SLC6A3: variants seen among roughly 807,000 people sequenced by gnomAD.
The protein encoded by SLC6A3 is solute carrier family 6 member 3.
SLC6A3 carries 19 observed loss-of-function variants against 70.4 expected under a neutral mutation model. That is an observed-to-expected ratio of 0.27 (90% confidence interval 0.19 to 0.40). The LOEUF is 0.40. SLC6A3 is among the 10% of genes least tolerant of loss of function. The probability of loss-of-function intolerance (pLI) is 1.00; values close to 1 mark genes in which losing one functional copy is unlikely to be tolerated. For missense variants in SLC6A3, 613 were observed against 838.5 expected, an observed-to-expected ratio of 0.73 and a Z score of 3.32; for synonymous variants, 368 against 356.6, an observed-to-expected ratio of 1.03 and a Z score of -0.36.
In SLC6A3 at chr5:1,406,051, T is replaced by C; in HGVS notation, c.1599+137A>G. ...ATAGATGAGTTCAGGGATCAGCCTG[T>C]CCTTCTGGGCCGAGTCTTGAGGCCC... On this transcript the variant is annotated intron_variant, in intron 12 of 14. Transcript: ENST00000270349. The surrounding 1 kb of genome is among the most constrained non-coding windows in gnomAD (Gnocchi z 8.8). 1 of 722,832 alleles carries C rather than the reference T, an allele frequency of 1.4e-6. No individual in the cohort carries two copies. The highest frequency in any genetic ancestry group is 1.5e-5 in the South Asian group (1 of 68,124). 44.8% of individuals were successfully genotyped at this position (722,832 alleles called of 1,614,324 possible).
Position 1,396,968 on chromosome 5 carries a change from T to C in SLC6A3, c.1840-2210A>G, listed in dbSNP as rs1326221768. ...GGCAGGCAGTTTCCACAGTGCCTAG[T>C]TTTCCTGCTGTGGGCTCACAAGGGT... On this transcript the variant is annotated intron_variant, in intron 14 of 14. Transcript: ENST00000270349. This position sits in a 1 kb window ranked among gnomAD's most constrained non-coding sequence, Gnocchi z 7.0. Among the ~76,000 whole-genome samples, 1 of 152,144 alleles carries C rather than the reference T, an allele frequency of 6.6e-6. No homozygotes were observed. Among genetic ancestry groups the C allele is most frequent in the East Asian group, 1.9e-4 (1 of 5,194 alleles).
At chr5:1,434,350 C>A (rs2937644) in intron 3 of SLC6A3, among the ~76,000 whole-genome samples, 2 of 152,336 alleles carry the variant, frequency 1.3e-5, no homozygotes, top group East Asian at 3.9e-4. Context: ...CATCAAGGAC[C>A]AGCCAGGGCC....
intron 6 of SLC6A3, among the ~76,000 whole-genome samples, chr5:1,417,201 GAAC>G (rs1005315817): frequency 8.8e-5 from 13 of 148,256 alleles, no homozygotes; most frequent in African/African-American, 2.5e-4. Context: ...ATAACCCTCA[GAAC>G]ATCATGGATC....
intron 2 of SLC6A3, 125 bp from the exon 3 acceptor site, chr5:1,441,615 A>G (rs950343208): frequency 2.1e-5 from 23 of 1,120,154 alleles, no homozygotes; most frequent in Non-Finnish European, 2.9e-5. Context: ...CCCACTCTCC[A>G]ACGGGAAGTC....
chr5:1,433,004 G>A (rs1448349744), intron 3 of SLC6A3, among the ~76,000 whole-genome samples: 1 of 152,034 alleles, frequency 6.6e-6, no homozygotes, highest in South Asian at 2.1e-4. Context: ...GAGCTATGGC[G>A]AGTATCCAGG....
chr5:1,423,487 C>A (rs926401029), intron 4 of SLC6A3, among the ~76,000 whole-genome samples: 1 of 152,240 alleles, frequency 6.6e-6, no homozygotes, highest in South Asian at 2.1e-4. Flanking sequence ...GGATGGCTCA[C>A]GACACCTGCT....
At chr5:1,426,715 C>T (rs867759479) in intron 4 of SLC6A3, among the ~76,000 whole-genome samples, 2 of 152,264 alleles carry the variant, frequency 1.3e-5, no homozygotes, top group Middle Eastern at 3.4e-3. Flanking sequence ...TGATTCTACT[C>T]AGAGGAGGGA....
In SLC6A3 at chr5:1,443,000, C is replaced by A; in HGVS notation, c.198G>T (p.Lys66Asn). ...CAATGACGGACAGGAGAAAGTCGAT[C>A]TTCTTGCCCCAGGTCTCCCGATCCT... ...EAQDRETWGK[K>N]IDFLLSVIGF... The change falls in exon 2 of 15, where the codon AAG (lysine) becomes AAT (asparagine). Residue 66 changes from lysine (K) to asparagine (N), a missense_variant. Lys to Asn is a moderately conservative substitution (Grantham distance 94). Transcript: ENST00000270349. This position sits in a 1 kb window ranked among gnomAD's most constrained non-coding sequence, Gnocchi z 5.0. The A allele has an allele frequency of 6.2e-7, 1 of 1,614,232 alleles. No homozygotes were observed. The highest frequency in any genetic ancestry group is 1.1e-5 in the South Asian group (1 of 91,084).
Position 1,396,418 on chromosome 5 carries a change from C to T in SLC6A3, c.1840-1660G>A, listed in dbSNP as rs1755720785. Among the ~76,000 whole-genome samples the T allele has an allele frequency of 6.6e-6, 1 of 152,248 alleles. No homozygotes were observed. The highest frequency in any genetic ancestry group is 2.1e-4 in the South Asian group (1 of 4,834). On this transcript the variant is annotated intron_variant, in intron 14 of 14. Transcript: ENST00000270349. The surrounding 1 kb of genome is among the most constrained non-coding windows in gnomAD (Gnocchi z 7.0). ...CCTGAGGGAAGCCAACAAGGAGGCC[C>T]CCCTGCCACCCTGCTCGCTGCCTCG...
chr5:1,429,011 G>A (rs1756636063), intron 4 of SLC6A3, among the ~76,000 whole-genome samples: 1 of 152,182 alleles, frequency 6.6e-6, no homozygotes, highest in Admixed American at 6.5e-5. Context: ...CATTATCTAG[G>A]ACAAAGAGCT....
chr5:1,443,309 A>G (rs2126416302), intron 1 of SLC6A3, 67 bp from the exon 2 acceptor site: 1 of 1,277,978 alleles, frequency 7.8e-7, no homozygotes, highest in Non-Finnish European at 1.1e-6. Flanking sequence ...GGCTAGGGAC[A>G]TACCTGGTGC....
intron 12 of SLC6A3, among the ~76,000 whole-genome samples, chr5:1,403,976 A>G (rs1341654073): frequency 2.0e-5 from 3 of 152,224 alleles, no homozygotes; most frequent in Admixed American, 6.5e-5. Flanking sequence ...GCACGCCTAC[A>G]TATGTGTTCT....
At chr5:1,423,409 G>C (rs1026961781) in intron 4 of SLC6A3, among the ~76,000 whole-genome samples, 6 of 152,210 alleles carry the variant, frequency 3.9e-5, no homozygotes, top group Non-Finnish European at 8.8e-5. Context: ...CCTCTCCAGG[G>C]ATGAGGCCGA....
chr5:1,414,552 C>G (rs1183306978), intron 8 of SLC6A3, 139 bp downstream of exon 8: 5 of 846,346 alleles, frequency 5.9e-6, no homozygotes, highest in Non-Finnish European at 8.6e-6. Flanking sequence ...CACCATCCTT[C>G]AAGAGTGAGG....
intron 6 of SLC6A3, among the ~76,000 whole-genome samples, chr5:1,419,630 T>C (rs2927677): frequency 0.021 from 3,273 of 152,284 alleles, 116 homozygotes; most frequent in African/African-American, 0.07. Context: ...ATGGTTTGTC[T>C]GGCTCCAGCT....
chr5:1,431,377 C>T (rs531611923), intron 4 of SLC6A3, among the ~76,000 whole-genome samples: 14 of 152,208 alleles, frequency 9.2e-5, no homozygotes, highest in Non-Finnish European at 1.5e-4. Context: ...AGGGGCGGGC[C>T]TGGCCTGGGT....
At chr5:1,433,863 A>C (rs1560924127) in intron 3 of SLC6A3, among the ~76,000 whole-genome samples, 1 of 152,092 alleles carries the variant, frequency 6.6e-6, no homozygotes, top group African/African-American at 2.4e-5. Flanking sequence ...ATAGTCATCC[A>C]TGGCTGTCCA....
At chr5:1,444,404 A>T (rs1271045332) in intron 1 of SLC6A3, among the ~76,000 whole-genome samples, 3 of 151,796 alleles carry the variant, frequency 2.0e-5, no homozygotes, top group Admixed American at 1.3e-4. Flanking sequence ...ATACACACTC[A>T]CACACACACA....
intron 10 of SLC6A3, among the ~76,000 whole-genome samples, chr5:1,409,451 C>T (rs1425845134): frequency 1.3e-5 from 2 of 152,182 alleles, no homozygotes; most frequent in African/African-American, 4.8e-5. Context: ...ACACCCCCAG[C>T]GTCCCCCAGT....
Sources: gnomAD v4.1 joint callset for allele counts (sites outside exome capture counted in the v4.1 genomes callset) on GRCh38, gnomAD v4.1.1 for gene constraint, Gnocchi (gnomAD v3.1) non-coding constraint, MANE v1.5 for transcripts, NCBI Gene and HGNC (gene_info 2026-07-23, HGNC 2026-07-21) for gene names.